AVEN: variants seen among roughly 807,000 people sequenced by gnomAD.
The protein encoded by AVEN is cell death regulator Aven.
A neutral mutation model predicts 38.1 loss-of-function variants in AVEN; 41 were observed. The ratio of observed to expected loss-of-function variants is 1.08; its 90% CI spans 0.84 to 1.40. The LOEUF (loss-of-function observed/expected upper bound fraction) is 1.40, where lower values mean the gene tolerates loss of function less well. Among genes scored for constraint, AVEN ranks in the 40% most tolerant of loss-of-function variants. The pLI, the probability that AVEN is intolerant of heterozygous loss-of-function variation, is 0.00. For synonymous variants in AVEN, 206 were observed against 171.8 expected (o/e 1.20, Z -1.56); for missense variants, 605 against 438.8 (o/e 1.38, Z -3.38).
At chr15:34,057,615 T>C (rs1280707464) in intron 5 of AVEN, among the ~76,000 whole-genome samples, 3 of 152,078 alleles carry the variant, frequency 2.0e-5, no homozygotes, top group African/African-American at 7.2e-5. Context: ...GAGACTCAGG[T>C]TAAGTAATGT....
intron 2 of AVEN, among the ~76,000 whole-genome samples, chr15:33,941,425 C>T (rs1429581834): frequency 3.3e-5 from 5 of 152,108 alleles, no homozygotes; most frequent in African/African-American, 4.8e-5. Flanking sequence ...TCCTGACACA[C>T]GCAACTGAAA....
intron 2 of AVEN, among the ~76,000 whole-genome samples, chr15:33,900,757 T>C (rs1054338483): frequency 6.6e-6 from 1 of 152,198 alleles, no homozygotes; most frequent in Non-Finnish European, 1.5e-5. Flanking sequence ...CAAGTTTAAA[T>C]CAAATTTAAT....
Position 33,866,561 on chromosome 15 carries a change from C to G in AVEN, c.*52G>C, listed in dbSNP as rs571487507. ...GTCCTGAAGGACAGCCTTATGCCCA[C>G]CTGCCGTTAGAAGGCAACCAAGATT... On this transcript the variant is annotated 3_prime_UTR_variant, in exon 6 of 6. Transcript: ENST00000306730. 7.1e-7 allele frequency: 1 copy of G among 1,400,978 alleles called. No individual in the cohort carries two copies. Among genetic ancestry groups the G allele is most frequent in the Admixed American group, 1.7e-5 (1 of 58,930 alleles). 86.8% of individuals were successfully genotyped at this position (1,400,978 alleles called of 1,614,324 possible).
chr15:33,865,176 T>C, downstream of AVEN: 2 of 1,613,902 alleles, frequency 1.2e-6, no homozygotes, highest in Non-Finnish European at 1.7e-6. Context: ...TTGGGATTTC[T>C]TCCCAGCCGG....
At chr15:33,888,748 C>CT (rs1242033630) in intron 2 of AVEN, among the ~76,000 whole-genome samples, 9 of 151,646 alleles carry the variant, frequency 5.9e-5, no homozygotes, top group African/African-American at 2.2e-4. Context: ...TTTTGGAATT[C>CT]TTTTTTTGTG....
chr15:33,943,392 C>A (rs1894388439), intron 2 of AVEN, among the ~76,000 whole-genome samples: 1 of 147,642 alleles, frequency 6.8e-6, no homozygotes, highest in Non-Finnish European at 1.5e-5. Context: ...TTATATGAAG[C>A]ATCTAAAGTA....
rs150054518 is a variant in AVEN, at chr15:33,990,249, G to C, written c.445+12783C>G. Among the ~76,000 whole-genome samples, 50 of 152,050 alleles carry C rather than the reference G, an allele frequency of 3.3e-4. 1 individual carries two copies. In the East Asian group the frequency reaches 9.1e-3, roughly 28 times the overall value. ...AAAAAAAACTTAGCCAGGCGTTGAG[G>C]TGCGTGCCTATAGTCCCAGCTACTC... On this transcript the variant is annotated intron_variant, in intron 2 of 5. Coordinates refer to ENST00000306730, the MANE Select transcript of AVEN (RefSeq NM_020371.3).
chr15:33,865,043 T>G, downstream of AVEN: 1 of 953,256 alleles, frequency 1.0e-6, no homozygotes, highest in East Asian at 2.4e-5. Context: ...TCAGTCTTCC[T>G]AAAGGGAGCC....
At chr15:33,858,265 C>T (rs1047466936), downstream of AVEN, 5 of 219,366 alleles carry the variant, frequency 2.3e-5, no homozygotes, top group Admixed American at 1.6e-4. Flanking sequence ...AGTGCAATGG[C>T]GTCATCTCAG....
chr15:33,973,559 A>C (rs978766790), intron 2 of AVEN, among the ~76,000 whole-genome samples: 2 of 151,940 alleles, frequency 1.3e-5, no homozygotes, highest in Non-Finnish European at 2.9e-5. Context: ...TCCATTGAAA[A>C]CCTATTTATG....
At chr15:33,905,270 T>G (rs978345219) in intron 2 of AVEN, among the ~76,000 whole-genome samples, 1 of 152,100 alleles carries the variant, frequency 6.6e-6, no homozygotes, top group Non-Finnish European at 1.5e-5. Flanking sequence ...TAAACTGCTG[T>G]TCACTACTTA....
chr15:34,015,489 A>T (rs1419227909), intron 1 of AVEN, among the ~76,000 whole-genome samples: 2 of 116,436 alleles, frequency 1.7e-5, no homozygotes, highest in Non-Finnish European at 3.5e-5. Context: ...CTCAAAAAAT[A>T]AAAAAAAATA....
intron 2 of AVEN, among the ~76,000 whole-genome samples, chr15:33,877,326 C>G (rs970094297): frequency 1.3e-5 from 2 of 151,902 alleles, no homozygotes; most frequent in Non-Finnish European, 1.5e-5. Flanking sequence ...GCAACCAATG[C>G]GATTAGAAAA....
rs190933641 is a variant in AVEN at position 33,951,091 on chromosome 15, G to A, written c.445+51941C>T. Among the ~76,000 whole-genome samples, 9 of 149,840 alleles carry A rather than the reference G, an allele frequency of 6.0e-5. No individual in the cohort carries two copies. The East Asian group carries it at 1.8e-3, about 31-fold the overall frequency. On this transcript the variant is annotated intron_variant, in intron 2 of 5. Transcript: ENST00000306730. Reference sequence around the variant, plus strand: ...GGAGGGAAGAGGCGAGTGGGGGGAGGAAGAAAACAAACCCACAAGGGTGAA... The same window carrying A: ...GGAGGGAAGAGGCGAGTGGGGGGAGAAAGAAAACAAACCCACAAGGGTGAA...
chr15:34,035,122 G>A (rs958137437), intron 1 of AVEN, among the ~76,000 whole-genome samples: 1 of 152,094 alleles, frequency 6.6e-6, no homozygotes, highest in South Asian at 2.1e-4. Context: ...AAATGTCAAC[G>A]CCATCGGGTA....
intron 1 of AVEN, among the ~76,000 whole-genome samples, chr15:34,072,128 G>A (rs745384121): frequency 6.6e-6 from 1 of 151,730 alleles, no homozygotes; most frequent in Admixed American, 6.6e-5. Context: ...AATTAGCTAG[G>A]CATGGTGACA....
chr15:34,016,027 A>G (rs1162888967), intron 1 of AVEN, among the ~76,000 whole-genome samples: 1 of 152,256 alleles, frequency 6.6e-6, no homozygotes, highest in Non-Finnish European at 1.5e-5. Context: ...CTGTAATCCC[A>G]GCACTTTGGG....
downstream of AVEN, chr15:33,864,214 CGTGTTAGA>C: frequency 6.4e-7 from 1 of 1,573,300 alleles, no homozygotes; most frequent in African/African-American, 1.4e-5. Flanking sequence ...ATCATATACC[CGTGTTAGA>C]TCTCCCTTTC....
At chr15:34,064,681 C>T (rs1473482073) in intron 4 of AVEN, 1 of 234,458 alleles carries the variant, frequency 4.3e-6, no homozygotes, top group Admixed American at 5.1e-5. Flanking sequence ...AAACCTTTTC[C>T]TGTGGAAACC....
Sources: gnomAD v4.1 joint callset for allele counts (sites outside exome capture counted in the v4.1 genomes callset) on GRCh38, gnomAD v4.1.1 for gene constraint, MANE v1.5 for transcripts, NCBI Gene and HGNC (gene_info 2026-07-23, HGNC 2026-07-21) for gene names.